The following RASSF3 variants were observed in gnomAD, a reference collection of about 807,000 sequenced individuals.
The protein encoded by RASSF3 is ras association domain-containing protein 3.
RASSF3 carries 19 observed loss-of-function variants against 19.9 expected under a neutral mutation model. The observed-to-expected ratio is 0.96, with a 90% CI of 0.67 to 1.40. The LOEUF is 1.40. RASSF3 is among the 40% of genes most tolerant of loss of function. RASSF3 has a pLI of 0.00. For missense variants in RASSF3, 306 were observed against 289.8 expected (o/e 1.06, Z -0.41); for synonymous variants, 110 against 104.2 (o/e 1.06, Z -0.34).
Position 64,694,925 on chromosome 12 carries a change from T to C in RASSF3, c.*13T>C, listed in dbSNP as rs749203964. ...GAAGCCTGATTAAAGCGGGGCTCCC[T>C]GCCCGTGAGGCCCGGTGCAGGACCG... On this transcript the variant is annotated 3_prime_UTR_variant, in exon 5 of 5. Transcript: ENST00000542104. The C allele has an allele frequency of 6.2e-7, 1 of 1,613,092 alleles. No individual in the cohort carries two copies. Among genetic ancestry groups the C allele is most frequent in the Non-Finnish European group, 8.5e-7 (1 of 1,179,740 alleles).
At chr12:64,571,356 A>G (rs1450593898) in intron 2 of RASSF3, among the ~76,000 whole-genome samples, 1 of 152,182 alleles carries the variant, frequency 6.6e-6, no homozygotes, top group Non-Finnish European at 1.5e-5. Flanking sequence ...TCGCTTTTTC[A>G]GGACATGGAC....
At chr12:64,674,742 G>A (rs920570099) in intron 1 of RASSF3, among the ~76,000 whole-genome samples, 2 of 152,286 alleles carry the variant, frequency 1.3e-5, no homozygotes, top group South Asian at 2.1e-4. Flanking sequence ...TTGTGGTTAG[G>A]ACGGCTTCCT....
upstream of RASSF3, among the ~76,000 whole-genome samples, chr12:64,606,851 AT>A (rs1483162170): frequency 6.6e-6 from 1 of 152,118 alleles, no homozygotes; most frequent in African/African-American, 2.4e-5. Context: ...GGTTGCATAC[AT>A]TTAATTTTAT....
chr12:64,582,526 A>G (rs960856097), intron 2 of RASSF3, among the ~76,000 whole-genome samples: 1 of 152,230 alleles, frequency 6.6e-6, no homozygotes, highest in African/African-American at 2.4e-5. Flanking sequence ...TCTGTCTTCA[A>G]GACATTCAGA....
chr12:64,656,425 TTTATG>T (rs1872161893), intron 1 of RASSF3, among the ~76,000 whole-genome samples: 2 of 152,150 alleles, frequency 1.3e-5, no homozygotes, highest in Admixed American at 6.6e-5. Flanking sequence ...ATGGGTGAAT[TTTATG>T]TTATGTGAGT....
intron 1 of RASSF3, among the ~76,000 whole-genome samples, chr12:64,508,582 A>T (rs1294288931): frequency 6.6e-6 from 1 of 151,148 alleles, no homozygotes; most frequent in African/African-American, 2.4e-5. Flanking sequence ...TATGATTAAG[A>T]CATTTATTTA....
chr12:64,618,395 C>T (rs552229071), intron 1 of RASSF3, among the ~76,000 whole-genome samples: 6 of 152,194 alleles, frequency 3.9e-5, no homozygotes, highest in Middle Eastern at 3.4e-3. Flanking sequence ...GGCGTGATCT[C>T]GGCTCACTGC....
At chr12:64,536,795 C>T (rs1868837230) in intron 1 of RASSF3, among the ~76,000 whole-genome samples, 1 of 152,178 alleles carries the variant, frequency 6.6e-6, no homozygotes. Flanking sequence ...AATATCATGT[C>T]TATGTTTTAC....
intron 2 of RASSF3, among the ~76,000 whole-genome samples, chr12:64,565,713 C>CA (rs1268381745): frequency 6.6e-6 from 1 of 150,382 alleles, no homozygotes; most frequent in Non-Finnish European, 1.5e-5. Context: ...GACTCCATCT[C>CA]AAAAAAACAA....
chr12:64,688,251 AC>A lies in RASSF3; in HGVS notation c.256del (p.Gln86ArgfsTer25). ...NGIYTGFIKV[Q>X]MELCKPPQTS... ...GGATTTACACTGGCTTCATTAAAGT[AC>A]AGATGGAACTCTGCAAACCTCCACA... On this transcript the variant is annotated frameshift_variant, in exon 3 of 5. Coordinates refer to ENST00000542104, the MANE Select transcript of RASSF3 (RefSeq NM_178169.4). LOFTEE classifies it high-confidence loss of function. 6.2e-7 allele frequency: 1 copy of A among 1,614,154 alleles called. No individual in the cohort carries two copies. The highest frequency in any genetic ancestry group is 8.5e-7 in the Non-Finnish European group (1 of 1,179,964).
chr12:64,685,515 G>C (rs1054462642), intron 2 of RASSF3, among the ~76,000 whole-genome samples: 10 of 152,178 alleles, frequency 6.6e-5, no homozygotes, highest in African/African-American at 2.2e-4. Flanking sequence ...AAAGTGCTGG[G>C]ATTACAGGTA....
At chr12:64,644,520 A>T (rs1034893438) in intron 1 of RASSF3, among the ~76,000 whole-genome samples, 4 of 151,828 alleles carry the variant, frequency 2.6e-5, no homozygotes, top group African/African-American at 9.7e-5. Context: ...ACATGGAGAA[A>T]CCCCATCTCC....
chr12:64,508,637 C>T (rs949049638), intron 1 of RASSF3, among the ~76,000 whole-genome samples: 1 of 152,124 alleles, frequency 6.6e-6, no homozygotes, highest in Non-Finnish European at 1.5e-5. Flanking sequence ...GTAATCCCAG[C>T]ACTTTGGGAG....
intron 2 of RASSF3, among the ~76,000 whole-genome samples, chr12:64,576,859 A>AAC (rs912618379): frequency 1.3e-5 from 2 of 151,790 alleles, no homozygotes; most frequent in Non-Finnish European, 2.9e-5. Flanking sequence ...TCAAAAAAAA[A>AAC]AAAAAAAAAA....
At position 64,694,938 on chromosome 12, in the gene RASSF3, C is replaced by G; in HGVS notation, c.*26C>G. On this transcript the variant is annotated 3_prime_UTR_variant, in exon 5 of 5. Transcript: ENST00000542104. The stretch of plus-strand genomic sequence containing the variant: ...AGCGGGGCTCCCTGCCCGTGAGGCC[C>G]GGTGCAGGACCGATGTACAAAACAG... 1 of 1,608,958 alleles carries G rather than the reference C, an allele frequency of 6.2e-7. No individual in the cohort carries two copies. Among genetic ancestry groups the G allele is most frequent in the Non-Finnish European group, 8.5e-7 (1 of 1,177,784 alleles).
chr12:64,593,270 GGAGTGCAGTA>G (rs1869951574), intron 2 of RASSF3, among the ~76,000 whole-genome samples: 1 of 152,180 alleles, frequency 6.6e-6, no homozygotes, highest in Non-Finnish European at 1.5e-5. Context: ...TACCCAGACT[GGAGTGCAGTA>G]GAGCTATCTC....
intron 1 of RASSF3, among the ~76,000 whole-genome samples, chr12:64,619,734 C>A (rs1055322135): frequency 6.6e-6 from 1 of 152,054 alleles, no homozygotes; most frequent in Admixed American, 6.6e-5. Context: ...GTAATCCCAG[C>A]ACATTGGGAG....
downstream of RASSF3, among the ~76,000 whole-genome samples, chr12:64,542,761 G>C (rs536576415): frequency 6.6e-6 from 1 of 152,210 alleles, no homozygotes; most frequent in Admixed American, 6.5e-5. Flanking sequence ...ATGGTGGTGA[G>C]AGGTGACAGC....
intron 2 of RASSF3, among the ~76,000 whole-genome samples, chr12:64,575,409 C>T (rs1408754297): frequency 2.0e-5 from 3 of 152,040 alleles, no homozygotes; most frequent in Admixed American, 2.0e-4. Flanking sequence ...AAAAATTAGC[C>T]AGGCGTGGTG....
Sources: allele counts gnomAD v4.1 joint callset (sites outside exome capture counted in the v4.1 genomes callset), GRCh38; gene constraint gnomAD v4.1.1; transcripts MANE v1.5; gene names NCBI Gene and HGNC (gene_info 2026-07-23, HGNC 2026-07-21).